Variants in CSF1R observed in about 807,000 individuals in gnomAD.
CSF1R encodes the protein macrophage colony-stimulating factor 1 receptor.
CSF1R carries 40 observed loss-of-function variants against 110.0 expected under a neutral mutation model. The observed-to-expected ratio is 0.36, with a 90% CI of 0.28 to 0.47. The LOEUF (loss-of-function observed/expected upper bound fraction) is 0.47, where lower values mean the gene tolerates loss of function less well. Ranked by LOEUF, CSF1R falls within the 20% of genes least tolerant of loss-of-function variation. The probability of loss-of-function intolerance (pLI) is 0.99; values close to 1 mark genes in which losing one functional copy is unlikely to be tolerated. For synonymous variants in CSF1R, 523 were observed against 503.4 expected, an observed-to-expected ratio of 1.04 and a Z score of -0.52; for missense variants, 1,052 against 1,253.0, an observed-to-expected ratio of 0.84 and a Z score of 2.42.
At chr5:150,082,783 T>C (rs1309446014) in intron 1 of CSF1R, among the ~76,000 whole-genome samples, 2 of 152,256 alleles carry the variant, frequency 1.3e-5, no homozygotes, top group South Asian at 2.1e-4. Flanking sequence ...AAACTTCAGC[T>C]GAAGGTTGAG....
intron 1 of CSF1R, among the ~76,000 whole-genome samples, chr5:150,103,845 A>G (rs368283559): frequency 7.2e-5 from 11 of 152,300 alleles, no homozygotes; most frequent in African/African-American, 2.6e-4. Context: ...AAGTACTAAG[A>G]GTACCTGACA....
rs2113804863 is a variant in CSF1R at position 150,068,337 on chromosome 5, G to A, written c.1511-7C>T. On this transcript the variant is annotated splice_region_variant and splice_polypyrimidine_tract_variant and intron_variant, in intron 9 of 20. Transcript: ENST00000675795. ...GGGGGATGCGTGTGGGCTCCTGGAAGGCATGAAGCAAAGCAGTGAGCAGGC... is the reference window on the plus strand; with the variant it reads ...GGGGGATGCGTGTGGGCTCCTGGAAAGCATGAAGCAAAGCAGTGAGCAGGC... 1 of 1,609,908 alleles carries A rather than the reference G, an allele frequency of 6.2e-7. No individual in the cohort carries two copies. Among genetic ancestry groups the A allele is most frequent in the Non-Finnish European group, 8.5e-7 (1 of 1,177,714 alleles).
chr5:150,077,057 C>G, intron 5 of CSF1R: 1 of 630,114 alleles, frequency 1.6e-6, no homozygotes. Context: ...CCCAATGCAG[C>G]CATGCACTGT....
upstream of CSF1R, among the ~76,000 whole-genome samples, chr5:150,091,518 T>C (rs897067158): frequency 6.6e-6 from 1 of 152,154 alleles, no homozygotes; most frequent in African/African-American, 2.4e-5. Flanking sequence ...AGTAGCAAAA[T>C]GTCATACGAC....
chr5:150,100,972 C>T (rs1759385897), intron 1 of CSF1R, among the ~76,000 whole-genome samples: 1 of 152,140 alleles, frequency 6.6e-6, no homozygotes, highest in African/African-American at 2.4e-5. Context: ...TGTCTCTCCC[C>T]TCTTTATGGT....
chr5:150,077,451 A>G lies in CSF1R; in HGVS notation c.730-16T>C, dbSNP rs1561934941. On this transcript the variant is annotated splice_polypyrimidine_tract_variant and intron_variant, in intron 4 of 20. Coordinates refer to ENST00000675795, the MANE Select transcript of CSF1R (RefSeq NM_001288705.3). ...GGATTGCGAGCTGCAGCCAGAAGGA[A>G]TGGAGATGTTATACCAAGGTAGTTT... The G allele has an allele frequency of 5.6e-6, 9 of 1,607,748 alleles. No individual in the cohort carries two copies. The highest frequency in any genetic ancestry group is 6.8e-6 in the Non-Finnish European group (8 of 1,175,286).
chr5:150,102,788 T>C (rs113540049), intron 1 of CSF1R, among the ~76,000 whole-genome samples: 87 of 152,386 alleles, frequency 5.7e-4, no homozygotes, highest in African/African-American at 2.0e-3. Flanking sequence ...CTTATTGAAC[T>C]ATTCGTTATC....
At chr5:150,094,063 CAAA>C (rs58394685) in intron 1 of CSF1R, among the ~76,000 whole-genome samples, 19 of 106,342 alleles carry the variant, frequency 1.8e-4, no homozygotes, top group African/African-American at 5.3e-4. Context: ...AATTCCATCT[CAAA>C]AAAAAAAAAA....
chr5:150,078,277 C>A (rs2113827138), intron 3 of CSF1R, 29 bp from the exon 4 acceptor site: 1 of 1,612,892 alleles, frequency 6.2e-7, no homozygotes, highest in Non-Finnish European at 8.5e-7. Flanking sequence ...CCCCTGAACA[C>A]CCAGGCTCCC....
At position 150,060,901 on chromosome 5, in the gene CSF1R, C is replaced by T. The variant is rs371692872; in HGVS notation, c.1930G>A (p.Glu644Lys). 14 of 1,611,334 alleles carry T rather than the reference C, an allele frequency of 8.7e-6. No homozygotes were observed. Among genetic ancestry groups the T allele is most frequent in the African/African-American group, 6.7e-5 (5 of 74,860 alleles). Residue 644 changes from glutamate (E) to lysine (K), a missense_variant, in exon 13 of 21, where the codon GAG becomes AAG. By Grantham distance (56) the Glu-to-Lys change is moderately conservative. Around this residue, in one of 5 missense-constraint regions of CSF1R, gnomAD observed 76 missense variants for 133.6 expected, o/e 0.57. Transcript: ENST00000675795. ...LKIMSHLGQH[E>K]NIVNLLGACT... ...GCTCCCAGAAGGTTGACGATGTTCT[C>T]GTGCTGGCCCAGGTGGCTCATGATC...
chr5:150,063,399 A>C (rs546506612), intron 10 of CSF1R, among the ~76,000 whole-genome samples: 5 of 151,808 alleles, frequency 3.3e-5, no homozygotes, highest in African/African-American at 1.2e-4. Flanking sequence ...CTCATGCCGG[A>C]GTGCAGTGGC....
chr5:150,081,997 A>G (rs935397499), intron 1 of CSF1R, among the ~76,000 whole-genome samples: 2 of 152,130 alleles, frequency 1.3e-5, no homozygotes, highest in Non-Finnish European at 2.9e-5. Context: ...GCGGAAACAC[A>G]TTGTTGGCGT....
intron 1 of CSF1R, among the ~76,000 whole-genome samples, chr5:150,104,328 C>G (rs1759486009): frequency 6.6e-6 from 1 of 152,258 alleles, no homozygotes; most frequent in Non-Finnish European, 1.5e-5. Context: ...TTGGCAGGAC[C>G]TGTCTCTGTC....
rs765544156 is a variant in CSF1R at position 150,078,116 on chromosome 5, GTGT to G, written c.722_724del (p.Asn241del). On this transcript the variant is annotated inframe_deletion, in exon 4 of 21. Coordinates refer to ENST00000675795, the MANE Select transcript of CSF1R (RefSeq NM_001288705.3). ...TTGTGATCTGCAGGGACTGACCTTG[GTGT>G]TGTTGTGTTGGAGGAAGACATCAAA... The G allele has an allele frequency of 9.9e-6, 16 of 1,613,996 alleles. No individual in the cohort carries two copies. The highest frequency in any genetic ancestry group is 9.9e-5 in the South Asian group (9 of 91,080).
chr5:150,109,058 G>GCCCCCCCCCCCCCCCCC (rs60014782), intron 1 of CSF1R, among the ~76,000 whole-genome samples: 6 of 119,736 alleles, frequency 5.0e-5, no homozygotes, highest in Admixed American at 8.3e-5. Flanking sequence ...GGAGAAGCCC[G>GCCCCCCCCCCCCCCCCC]CCCCCCCCCC....
intron 10 of CSF1R, chr5:150,067,250 T>C (rs1366913990): frequency 1.3e-5 from 2 of 152,252 alleles, no homozygotes; most frequent in South Asian, 4.1e-4. Context: ...GGTAAGATAC[T>C]GACTAGTATA....
At chr5:150,095,543 A>T (rs191074719) in intron 1 of CSF1R, among the ~76,000 whole-genome samples, 2 of 152,224 alleles carry the variant, frequency 1.3e-5, no homozygotes, top group African/African-American at 4.8e-5. Flanking sequence ...AAGAAGTCAC[A>T]TGAAAAATTA....
intron 1 of CSF1R, among the ~76,000 whole-genome samples, chr5:150,099,060 AT>A (rs58025190): frequency 0.026 from 3,272 of 126,758 alleles, 61 homozygotes; most frequent in South Asian, 0.099. Context: ...CACCCAGCTA[AT>A]TTTTTTTTTT....
At chr5:150,091,263 G>A (rs950066019), upstream of CSF1R, among the ~76,000 whole-genome samples, 1 of 152,194 alleles carries the variant, frequency 6.6e-6, no homozygotes, top group South Asian at 2.1e-4. Context: ...ATTGTCATAT[G>A]ATCCAGAAAT....
Sources: gnomAD v4.1 joint callset for allele counts (sites outside exome capture counted in the v4.1 genomes callset) on GRCh38, gnomAD v4.1.1 for gene constraint, gnomAD v4.1.1 regional missense constraint, MANE v1.5 for transcripts, NCBI Gene and HGNC (gene_info 2026-07-23, HGNC 2026-07-21) for gene names.